SOX5: variants seen among roughly 807,000 people sequenced by gnomAD.
SOX5 encodes transcription factor SOX-5.
A neutral mutation model predicts 92.0 loss-of-function variants in SOX5; 9 were observed. The ratio of observed to expected loss-of-function variants is 0.10; its 90% CI spans 0.06 to 0.17. The LOEUF is 0.17. SOX5 is among the 10% of genes least tolerant of loss of function. The pLI is 1.00. For missense variants in SOX5, 642 were observed against 944.5 expected (o/e 0.68, Z 4.20); for synonymous variants, 344 against 336.3 (o/e 1.02, Z -0.25).
At chr12:23,722,609 G>A (rs768929395) in intron 6 of SOX5, among the ~76,000 whole-genome samples, 13 of 152,268 alleles carry the variant, frequency 8.5e-5, no homozygotes, top group Admixed American at 3.3e-4. Context: ...TTCACCCTTT[G>A]AAGCTGTTTG....
intron 3 of SOX5, among the ~76,000 whole-genome samples, chr12:23,778,516 G>T (rs1469894737): frequency 6.6e-6 from 1 of 152,168 alleles, no homozygotes; most frequent in East Asian, 1.9e-4. Flanking sequence ...CATAAAATGG[G>T]TATCTTAAGT....
intron 1 of SOX5, among the ~76,000 whole-genome samples, chr12:24,524,060 G>T (rs555424553): frequency 6.6e-6 from 1 of 152,186 alleles, no homozygotes; most frequent in African/African-American, 2.4e-5. Context: ...AATACTTAAC[G>T]GTTTGCCTGT....
At chr12:23,768,605 T>A (rs2094817061) in intron 3 of SOX5, among the ~76,000 whole-genome samples, 1 of 152,130 alleles carries the variant, frequency 6.6e-6, no homozygotes, top group Non-Finnish European at 1.5e-5. Flanking sequence ...TCTTATAAAG[T>A]GTTCCAATAA....
chr12:23,576,242 C>G (rs1258361252), intron 9 of SOX5, among the ~76,000 whole-genome samples: 1 of 151,644 alleles, frequency 6.6e-6, no homozygotes, highest in Non-Finnish European at 1.5e-5. Context: ...ATCTTTGTAC[C>G]CTGGTACCTA....
intron 8 of SOX5, among the ~76,000 whole-genome samples, chr12:23,625,848 C>A (rs889833037): frequency 1.1e-4 from 17 of 152,168 alleles, no homozygotes; most frequent in Non-Finnish European, 2.1e-4. Flanking sequence ...ACCTCATGAT[C>A]CGCCTGCCTC....
chr12:23,830,232 TCTTGTCCTGAC>T (rs1210475862), intron 3 of SOX5, among the ~76,000 whole-genome samples: 1 of 152,146 alleles, frequency 6.6e-6, no homozygotes. Context: ...GAGGGTGTCT[TCTTGTCCTGAC>T]CTTTAAAAAA....
chr12:23,545,948 G>A (rs1224665235), intron 12 of SOX5, among the ~76,000 whole-genome samples: 1 of 152,066 alleles, frequency 6.6e-6, no homozygotes, highest in Non-Finnish European at 1.5e-5. Flanking sequence ...GCTAAAGTGG[G>A]AGGATCACTT....
chr12:23,901,285 T>A (rs1267405823), intron 1 of SOX5, among the ~76,000 whole-genome samples: 1 of 152,088 alleles, frequency 6.6e-6, no homozygotes. Flanking sequence ...ATGGAACAGA[T>A]CCTCTCCTAG....
chr12:24,378,818 G>T (rs1043706543), intron 1 of SOX5, among the ~76,000 whole-genome samples: 3 of 152,062 alleles, frequency 2.0e-5, no homozygotes, highest in African/African-American at 7.2e-5. Context: ...CCCTCAATCC[G>T]CACCCCCTGT....
At chr12:24,493,863 CA>C (rs201633038) in intron 1 of SOX5, among the ~76,000 whole-genome samples, 16,501 of 86,486 alleles carry the variant, frequency 0.19, 879 homozygotes, top group East Asian at 0.31. Flanking sequence ...GACTCCATCT[CA>C]AAAAAAAAAA....
chr12:24,561,091 T>A (rs1367921152), intron 1 of SOX5, among the ~76,000 whole-genome samples: 3 of 152,224 alleles, frequency 2.0e-5, no homozygotes. Context: ...TCCTTATGCC[T>A]TCCTTGACAA....
intron 1 of SOX5, among the ~76,000 whole-genome samples, chr12:23,921,531 G>T (rs532776464): frequency 7.9e-5 from 12 of 152,230 alleles, no homozygotes; most frequent in African/African-American, 2.6e-4. Flanking sequence ...GGTCTTAGGG[G>T]ACATGTCTGT....
At chr12:23,633,079 T>C (rs2078761484) in intron 8 of SOX5, among the ~76,000 whole-genome samples, 1 of 152,140 alleles carries the variant, frequency 6.6e-6, no homozygotes, top group African/African-American at 2.4e-5. Context: ...TGCTTATCAC[T>C]ATCAATCATT....
At chr12:24,295,748 T>TC (rs397755819) in intron 2 of SOX5, among the ~76,000 whole-genome samples, 3 of 151,710 alleles carry the variant, frequency 2.0e-5, no homozygotes, top group African/African-American at 7.3e-5. Context: ...GTAGTTTTTT[T>TC]GTAGAGATGA....
chr12:23,799,187 A>G (rs1394465980), intron 3 of SOX5, among the ~76,000 whole-genome samples: 4 of 152,056 alleles, frequency 2.6e-5, no homozygotes, highest in Non-Finnish European at 5.9e-5. Context: ...GGTTTAAAGA[A>G]CAAAGGTTAA....
At chr12:24,216,630 T>G (rs975860845) in intron 3 of SOX5, among the ~76,000 whole-genome samples, 2 of 152,014 alleles carry the variant, frequency 1.3e-5, no homozygotes, top group African/African-American at 4.8e-5. Context: ...GAATAAAAAC[T>G]ATGGACATGA....
At chr12:23,981,476 G>A (rs538204396) in intron 4 of SOX5, among the ~76,000 whole-genome samples, 8 of 152,298 alleles carry the variant, frequency 5.3e-5, no homozygotes, top group African/African-American at 1.9e-4. Context: ...TATGGATCAT[G>A]TACTCTTTAA....
At position 23,563,387 on chromosome 12, in the gene SOX5, A is replaced by G. The variant is rs1269231993; in HGVS notation, c.1359T>C (p.His453=). The G allele has an allele frequency of 3.7e-6, 6 of 1,613,858 alleles. No individual in the cohort carries two copies. The African/African-American group carries it at 4.0e-5, about 11-fold the overall frequency. Residue 453 remains histidine, a synonymous_variant, in exon 11 of 15, where the codon CAT becomes CAC. Coordinates refer to ENST00000451604, the MANE Select transcript of SOX5 (RefSeq NM_006940.6). ...RVSTIGYLND[H]DAVTKAIQEA... ...CTTGGATTGCCTTGGTGACAGCATC[A>G]TGGTCATTTAAGTAACCTGAACATG...
chr12:23,847,976 A>G lies in SOX5; in HGVS notation c.271-1783T>C, dbSNP rs970418355. Among the ~76,000 whole-genome samples the G allele has an allele frequency of 3.3e-5, 5 of 152,286 alleles. No homozygotes were observed. The East Asian group carries it at 7.7e-4, about 23-fold the overall frequency. On this transcript the variant is annotated intron_variant, in intron 2 of 14. Coordinates refer to ENST00000451604, the MANE Select transcript of SOX5 (RefSeq NM_006940.6). ...AAAAAGAGCAATCACAAATTCATTCAGTAAATTAATAGGAATGTTTTTATG... is the reference window on the plus strand; with the variant it reads ...AAAAAGAGCAATCACAAATTCATTCGGTAAATTAATAGGAATGTTTTTATG...
Sources: gnomAD v4.1 joint callset for allele counts (sites outside exome capture counted in the v4.1 genomes callset) on GRCh38, gnomAD v4.1.1 for gene constraint, MANE v1.5 for transcripts, NCBI Gene and HGNC (gene_info 2026-07-23, HGNC 2026-07-21) for gene names.